The following CDV3 variants were observed in gnomAD, a reference collection of about 807,000 sequenced individuals.
CDV3 encodes the protein CDV3 homolog, also known as protein CDV3 homolog.
CDV3 carries 14 observed loss-of-function variants against 24.5 expected under a neutral mutation model. The observed-to-expected ratio is 0.57, with a 90% CI of 0.38 to 0.89. The LOEUF is 0.89. CDV3 is among the 40% of genes least tolerant of loss of function. The pLI, the probability that CDV3 is intolerant of heterozygous loss-of-function variation, is 0.00. For missense variants in CDV3, 304 were observed against 310.2 expected, an observed-to-expected ratio of 0.98 and a Z score of 0.15; for synonymous variants, 114 against 114.1, an observed-to-expected ratio of 1.00 and a Z score of 0.00.
chr3:133,584,445 G>A (rs12695595), intron 3 of CDV3, among the ~76,000 whole-genome samples: 8 of 152,050 alleles, frequency 5.3e-5, no homozygotes, highest in Admixed American at 6.5e-5. Flanking sequence ...TAATATTCTC[G>A]TTAAATATTA....
intron 1 of CDV3, chr3:133,574,525 G>C: frequency 1.4e-5 from 14 of 986,264 alleles, no homozygotes; most frequent in Non-Finnish European, 1.6e-5. Flanking sequence ...CCAAGGCCCG[G>C]GCGGCGCCAC....
At chr3:133,587,031 G>A (rs1933674451) in intron 4 of CDV3, 1 of 494,174 alleles carries the variant, frequency 2.0e-6, no homozygotes, top group Non-Finnish European at 3.5e-6. Flanking sequence ...TAATTAAGTG[G>A]CTTTTGCTCC....
Position 133,588,577 on chromosome 3 carries a change from T to TC in CDV3, c.*533dup, listed in dbSNP as rs770230952. Reference sequence around the variant, plus strand: ...GATTTAAGTGACCTTAATTAACCTGTCCTGTGCCCTACCCTTAAGGAATAC... The same window carrying TC: ...GATTTAAGTGACCTTAATTAACCTGTCCCTGTGCCCTACCCTTAAGGAATAC... On this transcript the variant is annotated 3_prime_UTR_variant, in exon 5 of 5. Coordinates refer to ENST00000264993, the MANE Select transcript of CDV3 (RefSeq NM_017548.5). 2.0e-5 allele frequency: 12 copies of TC among 608,260 alleles called. No homozygotes were observed. Among genetic ancestry groups the TC allele is most frequent in the Non-Finnish European group, 3.2e-5 (11 of 343,496 alleles). 37.7% of individuals were successfully genotyped at this position (608,260 alleles called of 1,614,324 possible). A position where few individuals can be genotyped will look rare whatever the true frequency, so the allele number is the denominator to read the frequency against.
Position 133,586,644 on chromosome 3 carries a change from C to A in CDV3, c.548C>A (p.Pro183Gln). 1 of 1,593,392 alleles carries A rather than the reference C, an allele frequency of 6.3e-7. No homozygotes were observed. The highest frequency in any genetic ancestry group is 8.6e-7 in the Non-Finnish European group (1 of 1,161,152). Residue 183 changes from proline to glutamine, a missense_variant, in exon 4 of 5, where the codon CCA (proline) becomes CAA (glutamine). By Grantham distance (76) the Pro-to-Gln change is moderately conservative. Coordinates refer to ENST00000264993, the MANE Select transcript of CDV3 (RefSeq NM_017548.5). The stretch of plus-strand genomic sequence containing the variant: ...AGGTTAACCACAACAAGGAAAACAC[C>A]ACAAGGACCACCAGAAATCTACAGT... ...GARLTTTRKT[P>Q]QGPPEIYSDT...
At chr3:133,581,405 A>G (rs1932999310) in intron 2 of CDV3, among the ~76,000 whole-genome samples, 1 of 152,220 alleles carries the variant, frequency 6.6e-6, no homozygotes, top group African/African-American at 2.4e-5. Flanking sequence ...TTTTAAAAAT[A>G]AAAAATGATT....
chr3:133,584,228 C>T (rs1933358859), intron 3 of CDV3, 78 bp downstream of exon 3: 3 of 1,083,548 alleles, frequency 2.8e-6, no homozygotes, highest in Non-Finnish European at 4.1e-6. Flanking sequence ...CAACTAAGTG[C>T]ATGATTGTGG....
chr3:133,574,231 A>C lies in CDV3; in HGVS notation c.187A>C (p.Thr63Pro), dbSNP rs2074712122. ...GAGTRPGDGG[T>P]ASAGAAGPGA... ...GGGGACCCGGCCGGGTGACGGCGGG[A>C]CCGCCAGCGCGGGGGCTGCGGGCCC... Residue 63 changes from threonine to proline, a missense_variant, in exon 1 of 5, where the codon ACC (threonine) becomes CCC (proline). This residue lies in a region of CDV3 where 219 missense variants were observed against 203.6 expected (regional missense o/e 1.08). Transcript: ENST00000264993. 1.0e-6 allele frequency: 1 copy of C among 994,794 alleles called. No individual in the cohort carries two copies. Among genetic ancestry groups the C allele is most frequent in the African/African-American group, 1.8e-5 (1 of 56,710 alleles). The allele number at this position is 994,794 out of a possible 1,614,324, so 61.6% of individuals were successfully genotyped here. A position where few individuals can be genotyped will look rare whatever the true frequency, so the allele number is the denominator to read the frequency against.
intron 4 of CDV3, chr3:133,587,692 C>T (rs752138891): frequency 2.4e-5 from 32 of 1,346,898 alleles, no homozygotes; most frequent in Admixed American, 3.3e-5. Context: ...GAAGATAGGA[C>T]CCTAGAGCTT....
chr3:133,580,180 C>T (rs1475908362), intron 2 of CDV3, among the ~76,000 whole-genome samples: 2 of 150,678 alleles, frequency 1.3e-5, no homozygotes, highest in African/African-American at 4.9e-5. Flanking sequence ...TCCATTTGTT[C>T]TCATTGTTCA....
intron 2 of CDV3, 54 bp from the exon 3 acceptor site, chr3:133,583,948 G>A: frequency 7.4e-7 from 1 of 1,346,926 alleles, no homozygotes; most frequent in Non-Finnish European, 1.0e-6. Context: ...TAACGATTTG[G>A]ACTGAAAATT....
chr3:133,584,092 A>G lies in CDV3; in HGVS notation c.408A>G (p.Lys136=), dbSNP rs1933341748. The change falls in exon 3 of 5, where the codon AAA becomes AAG. Residue 136 remains lysine, a synonymous_variant. Transcript: ENST00000264993. The part of the protein sequence containing the change: ...EGGGGGGGME[K]SSGPWNKTAP... ...GAGGTGGTGGTGGAGGTATGGAAAA[A>G]TCTTCAGGTCCCTGGAATAAAACAG... is the stretch of plus-strand genomic sequence containing the variant. 1.2e-6 allele frequency: 2 copies of G among 1,612,836 alleles called. No individual in the cohort carries two copies. The highest frequency in any genetic ancestry group is 2.2e-5 in the South Asian group (2 of 91,060).
chr3:133,574,320 C>A, intron 1 of CDV3, 36 bp downstream of exon 1: 20 of 941,710 alleles, frequency 2.1e-5, no homozygotes, highest in Non-Finnish European at 2.5e-5. Flanking sequence ...GGGGCCCGGG[C>A]CGCGCGCCGG....
intron 2 of CDV3, among the ~76,000 whole-genome samples, chr3:133,579,212 T>C (rs2074927386): frequency 6.6e-6 from 1 of 152,204 alleles, no homozygotes; most frequent in African/African-American, 2.4e-5. Context: ...AGTCTCCCTT[T>C]TGTAGCATCA....
chr3:133,586,497 C>T, intron 3 of CDV3, 66 bp from the exon 4 acceptor site: 2 of 818,780 alleles, frequency 2.4e-6, no homozygotes, highest in Non-Finnish European at 2.0e-6. Context: ...ATTGGGAATG[C>T]AAGAATAGCT....
chr3:133,574,687 T>C, intron 1 of CDV3: 2 of 1,050,390 alleles, frequency 1.9e-6, no homozygotes, highest in Non-Finnish European at 2.3e-6. Flanking sequence ...AGCAGCTCTT[T>C]TGTGATGACT....
At position 133,576,557 on chromosome 3, in the gene CDV3, A is replaced by G. The variant is rs201937126; in HGVS notation, c.317+1442A>G. ...GTTTGGCCATGTTGAACTTGGCAAA[A>G]TAGCACTTTTCTGAAGATAAAATTT... is the stretch of plus-strand genomic sequence containing the variant. On this transcript the variant is annotated intron_variant, in intron 2 of 4. Transcript: ENST00000264993. 2.8e-3 allele frequency among the ~76,000 whole-genome samples: 420 copies of G among 152,232 alleles called. 2 individuals are homozygous for G. Among genetic ancestry groups the G allele is most frequent in the African/African-American group, 9.5e-3 (395 of 41,528 alleles).
rs997910447 is a variant in CDV3, at chr3:133,588,511, A to G, written c.*465A>G. 5 of 827,250 alleles carry G rather than the reference A, an allele frequency of 6.0e-6. No individual in the cohort carries two copies. In the South Asian group the frequency reaches 8.2e-5, roughly 14 times the overall value. The allele number at this position is 827,250 out of a possible 1,614,324, so 51.2% of individuals were successfully genotyped here. A position where few individuals can be genotyped will look rare whatever the true frequency, so the allele number is the denominator to read the frequency against. On this transcript the variant is annotated 3_prime_UTR_variant, in exon 5 of 5. Transcript: ENST00000264993. ...GATTCTTATCAGAAATCCTGCATAAAAAGTCAGCCATCTGGGTTCTGATCT... is the reference window on the plus strand; with the variant it reads ...GATTCTTATCAGAAATCCTGCATAAGAAGTCAGCCATCTGGGTTCTGATCT...
intron 2 of CDV3, among the ~76,000 whole-genome samples, chr3:133,578,329 G>T (rs936350930): frequency 6.6e-6 from 1 of 152,176 alleles, no homozygotes; most frequent in Non-Finnish European, 1.5e-5. Flanking sequence ...ATTCTTGAAG[G>T]TATACACTGT....
chr3:133,573,952 G>C lies in CDV3; in HGVS notation c.-93G>C. The C allele has an allele frequency of 1.0e-6, 1 of 978,466 alleles. No individual in the cohort carries two copies. The highest frequency in any genetic ancestry group is 1.2e-6 in the Non-Finnish European group (1 of 822,008). The allele number at this position is 978,466 out of a possible 1,614,324, so 60.6% of individuals were successfully genotyped here. On this transcript the variant is annotated 5_prime_UTR_variant, in exon 1 of 5. Transcript: ENST00000264993. ...CTGAGGCGTCGCCGCGCCCGGCAGCGTGAGCGCAGAGCCGGCCTCGACCCC... is the reference window on the plus strand; with the variant it reads ...CTGAGGCGTCGCCGCGCCCGGCAGCCTGAGCGCAGAGCCGGCCTCGACCCC...
Sources: gnomAD v4.1 joint callset for allele counts (sites outside exome capture counted in the v4.1 genomes callset) on GRCh38, gnomAD v4.1.1 for gene constraint, gnomAD v4.1.1 regional missense constraint, MANE v1.5 for transcripts, NCBI Gene and HGNC (gene_info 2026-07-23, HGNC 2026-07-21) for gene names.